Variants in TNFRSF19 observed in about 807,000 individuals in gnomAD.
TNFRSF19 encodes TNF receptor superfamily member 19, also known as tumor necrosis factor receptor superfamily member 19.
TNFRSF19 carries 27 observed loss-of-function variants against 46.4 expected under a neutral mutation model. That is an observed-to-expected ratio of 0.58 (90% CI 0.43 to 0.80). TNFRSF19 has a LOEUF of 0.80. TNFRSF19 is among the 30% of genes least tolerant of loss of function. TNFRSF19 has a pLI of 0.00. For missense variants in TNFRSF19, 511 were observed against 530.8 expected (o/e 0.96, Z 0.37); for synonymous variants, 204 against 205.0 (o/e 1.00, Z 0.04).
At chr13:23,605,542 A>G (rs1880453914) in intron 3 of TNFRSF19, among the ~76,000 whole-genome samples, 1 of 152,214 alleles carries the variant, frequency 6.6e-6, no homozygotes, top group South Asian at 2.1e-4. Context: ...GTTCATAATT[A>G]TGAAGACTTG....
At chr13:23,624,980 G>A (rs1474239849) in intron 4 of TNFRSF19, among the ~76,000 whole-genome samples, 3 of 151,904 alleles carry the variant, frequency 2.0e-5, no homozygotes, top group Admixed American at 6.6e-5. Context: ...TTGAACTCCC[G>A]ACCTCAGGTG....
At chr13:23,581,134 T>C (rs1044525122) in intron 1 of TNFRSF19, among the ~76,000 whole-genome samples, 18 of 148,318 alleles carry the variant, frequency 1.2e-4, no homozygotes, top group Non-Finnish European at 2.4e-4. Flanking sequence ...TTTCTTTTCT[T>C]TTTTTTTTTT....
At chr13:23,606,565 A>G (rs560642600) in intron 3 of TNFRSF19, among the ~76,000 whole-genome samples, 5 of 152,348 alleles carry the variant, frequency 3.3e-5, no homozygotes, top group Non-Finnish European at 7.3e-5. Context: ...GACACAGTAC[A>G]TGAGTGAACA....
rs894170202 is a variant in TNFRSF19, at chr13:23,644,852, C to T, written c.446-14198C>T. Among the ~76,000 whole-genome samples the T allele has an allele frequency of 4.6e-5, 7 of 151,794 alleles. 1 individual carries two copies. In the South Asian group the frequency reaches 6.2e-4, roughly 14 times the overall value. On this transcript the variant is annotated intron_variant, in intron 5 of 9. Coordinates refer to ENST00000248484, the MANE Select transcript of TNFRSF19 (RefSeq NM_148957.4). ...GTGTGTATATATATATATATTTGGG[C>T]GAAGTTTCAAAAGTAACATCAGAAT...
intron 1 of TNFRSF19, chr13:23,585,441 A>G (rs970251727): frequency 5.9e-5 from 9 of 152,234 alleles, no homozygotes; most frequent in Admixed American, 2.6e-4. Flanking sequence ...AATTATCACC[A>G]TTCTTCCTCC....
At chr13:23,589,311 T>C (rs1171319364) in intron 1 of TNFRSF19, among the ~76,000 whole-genome samples, 1 of 152,252 alleles carries the variant, frequency 6.6e-6, no homozygotes, top group East Asian at 1.9e-4. Flanking sequence ...TTGGTTTATC[T>C]TGTATTGAAA....
intron 5 of TNFRSF19, among the ~76,000 whole-genome samples, chr13:23,645,841 G>C (rs957004105): frequency 6.6e-6 from 1 of 152,130 alleles, no homozygotes; most frequent in Non-Finnish European, 1.5e-5. Context: ...GGATAAATAG[G>C]CATCTCAAAC....
intron 5 of TNFRSF19, among the ~76,000 whole-genome samples, chr13:23,637,512 G>C (rs1422336564): frequency 6.6e-6 from 1 of 152,168 alleles, no homozygotes; most frequent in Non-Finnish European, 1.5e-5. Flanking sequence ...GTGCTTTGCC[G>C]TAAGTCCTGT....
At chr13:23,589,706 G>A (rs1879114489) in intron 1 of TNFRSF19, among the ~76,000 whole-genome samples, 1 of 152,206 alleles carries the variant, frequency 6.6e-6, no homozygotes. Flanking sequence ...TGAGGATTAA[G>A]TGAGTTAGCA....
chr13:23,632,305 C>G (rs1882405645), intron 5 of TNFRSF19, among the ~76,000 whole-genome samples: 1 of 152,210 alleles, frequency 6.6e-6, no homozygotes, highest in Admixed American at 6.5e-5. Context: ...AAATGAGTAT[C>G]TGAGGCAGCA....
chr13:23,662,898 A>G (rs1884458591), intron 7 of TNFRSF19, among the ~76,000 whole-genome samples: 1 of 152,216 alleles, frequency 6.6e-6, no homozygotes, highest in African/African-American at 2.4e-5. Flanking sequence ...GTTGTTTATC[A>G]GCTGAAGAAG....
intron 5 of TNFRSF19, among the ~76,000 whole-genome samples, chr13:23,641,153 A>G (rs1883016301): frequency 6.6e-6 from 1 of 152,154 alleles, no homozygotes; most frequent in African/African-American, 2.4e-5. Context: ...TTCTCTAATG[A>G]TCTATTTAAG....
intron 1 of TNFRSF19, chr13:23,579,292 A>G (rs1256232401): frequency 3.3e-5 from 5 of 149,308 alleles, no homozygotes; most frequent in South Asian, 2.2e-4. Context: ...AGCCGCGGTG[A>G]GGGCGGGGCC....
chr13:23,634,333 A>C (rs1156557967), intron 5 of TNFRSF19, among the ~76,000 whole-genome samples: 3 of 152,166 alleles, frequency 2.0e-5, no homozygotes, highest in Non-Finnish European at 2.9e-5. Flanking sequence ...GTTGATTATT[A>C]CCCAGTCACC....
chr13:23,575,239 A>G (rs572654889), intron 1 of TNFRSF19, among the ~76,000 whole-genome samples: 85 of 152,346 alleles, frequency 5.6e-4, no homozygotes, highest in South Asian at 2.1e-3. Flanking sequence ...TGAGGTACTC[A>G]GGGCCAAACT....
chr13:23,645,315 C>T (rs1419788846), intron 5 of TNFRSF19, among the ~76,000 whole-genome samples: 1 of 152,138 alleles, frequency 6.6e-6, no homozygotes, highest in Non-Finnish European at 1.5e-5. Flanking sequence ...GATTCTTGCA[C>T]CTCAGCCTCC....
In TNFRSF19 at chr13:23,642,182, CT is replaced by C. The variant is rs1221000122; in HGVS notation, c.445+15392del. ...GGTTTGTTTTTAATCATTAATTCTC[CT>C]TCTTAACTTTAGTACTTGAGGGCTA... On this transcript the variant is annotated intron_variant, in intron 5 of 9. Coordinates refer to ENST00000248484, the MANE Select transcript of TNFRSF19 (RefSeq NM_148957.4). Among the ~76,000 whole-genome samples, 3 of 152,138 alleles carry C rather than the reference CT, an allele frequency of 2.0e-5. No homozygotes were observed. The East Asian group carries it at 5.8e-4, about 29-fold the overall frequency.
intron 5 of TNFRSF19, among the ~76,000 whole-genome samples, chr13:23,644,062 T>C (rs1241192228): frequency 6.6e-6 from 1 of 152,264 alleles, no homozygotes; most frequent in East Asian, 1.9e-4. Flanking sequence ...GGTTCTGCCT[T>C]GATTCACTTA....
At chr13:23,612,001 G>C (rs967354703) in intron 3 of TNFRSF19, among the ~76,000 whole-genome samples, 5 of 152,210 alleles carry the variant, frequency 3.3e-5, no homozygotes, top group African/African-American at 1.2e-4. Flanking sequence ...TTTTTGGCAG[G>C]TCACCCCAAT....
Sources: allele counts gnomAD v4.1 joint callset (sites outside exome capture counted in the v4.1 genomes callset), GRCh38; gene constraint gnomAD v4.1.1; transcripts MANE v1.5; gene names NCBI Gene and HGNC (gene_info 2026-07-23, HGNC 2026-07-21).